SRL: variants seen among roughly 807,000 people sequenced by gnomAD.
SRL encodes sarcalumenin.
A neutral mutation model predicts 39.5 loss-of-function variants in SRL; 23 were observed. That is an observed-to-expected ratio of 0.58 (90% CI 0.42 to 0.82). The LOEUF is 0.82. Among genes scored for constraint, SRL ranks in the 40% least tolerant of loss-of-function variants. SRL has a pLI of 0.00. For missense variants in SRL, 592 were observed against 607.8 expected (o/e 0.97, Z 0.27); for synonymous variants, 272 against 237.4 (o/e 1.15, Z -1.34).
intron 1 of SRL, among the ~76,000 whole-genome samples, chr16:4,211,008 A>G (rs2052385634): frequency 6.6e-6 from 1 of 152,132 alleles, no homozygotes; most frequent in South Asian, 2.1e-4. Context: ...TTACAGTCTG[A>G]GAAGCGCTGG....
intron 1 of SRL, among the ~76,000 whole-genome samples, chr16:4,210,997 A>C (rs1357217086): frequency 6.6e-6 from 1 of 152,076 alleles, no homozygotes; most frequent in East Asian, 1.9e-4. Flanking sequence ...TCCTGTGCAC[A>C]TTACAGTCTG....
At position 4,242,022 on chromosome 16, in the gene SRL, A is replaced by G; in HGVS notation, c.46T>C (p.Phe16Leu). The change falls in exon 1 of 6, where the codon TTC (phenylalanine) becomes CTC (leucine). Residue 16 changes from phenylalanine to leucine, a missense_variant. Transcript: ENST00000399609. ...LLGCLLASLL[F>L]SGQAEETEDA... ...GGGGCCCTACCTGCTTGTCCTGAGA[A>G]CAGGAGCGAGGCCAGGAGGCAGCCG... 1.9e-6 allele frequency: 3 copies of G among 1,613,586 alleles called. No homozygotes were observed. The highest frequency in any genetic ancestry group is 2.5e-6 in the Non-Finnish European group (3 of 1,179,942).
rs1387261987 is a variant in SRL at position 4,223,552 on chromosome 16, A to G, written c.61+18455T>C. Among the ~76,000 whole-genome samples, 3 of 143,710 alleles carry G rather than the reference A, an allele frequency of 2.1e-5. No homozygotes were observed. In the East Asian group the frequency reaches 6.1e-4, roughly 29 times the overall value. 94.3% of individuals were successfully genotyped at this position (143,710 alleles called of 152,430 possible). Reference sequence around the variant, plus strand: ...CCATCATATCTGGCTAGGTTTTTAAATTTTTTTTTTTTTTGTAGAGACAGG... The same window carrying G: ...CCATCATATCTGGCTAGGTTTTTAAGTTTTTTTTTTTTTTGTAGAGACAGG... On this transcript the variant is annotated intron_variant, in intron 1 of 5. Coordinates refer to ENST00000399609, the MANE Select transcript of SRL (RefSeq NM_001098814.2).
At chr16:4,207,094 C>T (rs1302986610) in intron 1 of SRL, 2 of 455,158 alleles carry the variant, frequency 4.4e-6, no homozygotes, top group Non-Finnish European at 8.8e-6. Context: ...TGGGGCTCCC[C>T]AGCCTCCTGG....
intron 1 of SRL, among the ~76,000 whole-genome samples, chr16:4,209,050 A>G (rs1397398274): frequency 6.6e-6 from 1 of 152,202 alleles, no homozygotes; most frequent in African/African-American, 2.4e-5. Context: ...AGATAGGCAG[A>G]TCACCTGAGG....
At chr16:4,207,809 A>G in intron 1 of SRL, 1 of 456,228 alleles carries the variant, frequency 2.2e-6, no homozygotes, top group South Asian at 1.6e-5. Flanking sequence ...TTTCCTCCCC[A>G]GGCCCCGCAG....
chr16:4,214,532 C>T (rs1397327215), intron 1 of SRL, among the ~76,000 whole-genome samples: 2 of 152,056 alleles, frequency 1.3e-5, no homozygotes, highest in Non-Finnish European at 2.9e-5. Context: ...CCCCCATCCA[C>T]CCCCCGCCCC....
intron 3 of SRL, among the ~76,000 whole-genome samples, chr16:4,201,433 C>T (rs895057138): frequency 1.3e-5 from 2 of 151,760 alleles, no homozygotes; most frequent in African/African-American, 4.9e-5. Flanking sequence ...CCCACCACCA[C>T]ACCCAGCCAA....
At chr16:4,215,908 C>T (rs1440144305) in intron 1 of SRL, among the ~76,000 whole-genome samples, 4 of 152,054 alleles carry the variant, frequency 2.6e-5, no homozygotes, top group Non-Finnish European at 4.4e-5. Context: ...TGGTAGCGTG[C>T]GCCTGTGGTC....
intron 1 of SRL, among the ~76,000 whole-genome samples, chr16:4,217,394 G>A (rs1010253550): frequency 1.3e-5 from 2 of 152,194 alleles, no homozygotes; most frequent in Non-Finnish European, 2.9e-5. Flanking sequence ...TGGGACTACA[G>A]GCACGCGCCA....
At chr16:4,197,969 G>A (rs1291296471) in intron 3 of SRL, 54 bp from the exon 4 acceptor site, 2 of 1,208,896 alleles carry the variant, frequency 1.7e-6, no homozygotes, top group African/African-American at 3.0e-5. Context: ...TTCACACAAG[G>A]GGTATGGCAC....
intron 1 of SRL, among the ~76,000 whole-genome samples, chr16:4,237,690 C>T (rs1216421434): frequency 6.6e-6 from 1 of 152,122 alleles, no homozygotes; most frequent in Non-Finnish European, 1.5e-5. Context: ...GCTCCCCTTC[C>T]CTGGGTCTCA....
At chr16:4,221,813 T>G (rs1001489816) in intron 1 of SRL, among the ~76,000 whole-genome samples, 1 of 152,198 alleles carries the variant, frequency 6.6e-6, no homozygotes, top group Non-Finnish European at 1.5e-5. Context: ...TCGTTGCCTC[T>G]CTAGCTTCTG....
At chr16:4,200,146 A>C (rs1336901775) in intron 3 of SRL, among the ~76,000 whole-genome samples, 2 of 152,224 alleles carry the variant, frequency 1.3e-5, no homozygotes, top group Non-Finnish European at 2.9e-5. Context: ...TGAAAGCAAC[A>C]CCATGGCCCT....
chr16:4,239,938 G>A (rs189875890), intron 1 of SRL, among the ~76,000 whole-genome samples: 17 of 150,596 alleles, frequency 1.1e-4, no homozygotes, highest in Admixed American at 2.6e-4. Context: ...GGTGGAAACC[G>A]GGTAAGGCCC....
chr16:4,218,329 G>A (rs1223999541), intron 1 of SRL, among the ~76,000 whole-genome samples: 1 of 152,186 alleles, frequency 6.6e-6, no homozygotes, highest in Non-Finnish European at 1.5e-5. Context: ...TCCGAAGGCA[G>A]AGGACCGGTA....
chr16:4,228,606 G>A (rs527248895), intron 1 of SRL, among the ~76,000 whole-genome samples: 184 of 150,586 alleles, frequency 1.2e-3, no homozygotes, highest in South Asian at 2.5e-3. Flanking sequence ...GTGGTGGCGG[G>A]CACCTGTAGT....
intron 1 of SRL, among the ~76,000 whole-genome samples, chr16:4,206,175 G>A (rs557911431): frequency 6.6e-5 from 10 of 152,242 alleles, no homozygotes; most frequent in Admixed American, 2.0e-4. Context: ...CTGGCCCCGA[G>A]CCCTTTGAGG....
intron 1 of SRL, among the ~76,000 whole-genome samples, chr16:4,234,263 G>A (rs2052691110): frequency 6.6e-6 from 1 of 152,054 alleles, no homozygotes; most frequent in African/African-American, 2.4e-5. Context: ...CAAAGTGCCG[G>A]GATTACAGGT....
Sources: allele counts gnomAD v4.1 joint callset (sites outside exome capture counted in the v4.1 genomes callset), GRCh38; gene constraint gnomAD v4.1.1; transcripts MANE v1.5; gene names NCBI Gene and HGNC (gene_info 2026-07-23, HGNC 2026-07-21).